The following PLPBP variants were observed in gnomAD, a reference collection of about 807,000 sequenced individuals.
The protein encoded by PLPBP is pyridoxal phosphate homeostasis protein.
A neutral mutation model predicts 31.2 loss-of-function variants in PLPBP; 21 were observed. The ratio of observed to expected loss-of-function variants is 0.67; its 90% CI spans 0.48 to 0.97. The LOEUF (loss-of-function observed/expected upper bound fraction) is 0.97. Ranked by LOEUF, PLPBP falls within the 50% of genes least tolerant of loss-of-function variation. PLPBP has a pLI of 0.00. For missense variants in PLPBP, 308 were observed against 354.4 expected, an observed-to-expected ratio of 0.87 and a Z score of 1.05; for synonymous variants, 124 against 135.6, an observed-to-expected ratio of 0.91 and a Z score of 0.59.
intron 3 of PLPBP, 116 bp downstream of exon 3, chr8:37,765,862 T>C (rs1803613815): frequency 1.8e-6 from 2 of 1,091,302 alleles, no homozygotes; most frequent in Admixed American, 4.6e-5. Flanking sequence ...GACTTTAGAT[T>C]GGGCCAGGGA....
intron 4 of PLPBP, chr8:37,766,608 C>G: frequency 9.0e-7 from 1 of 1,113,910 alleles, no homozygotes; most frequent in Non-Finnish European, 1.1e-6. Context: ...GGTGGTCTTT[C>G]AGAAAAATTA....
At chr8:37,772,928 T>G in intron 5 of PLPBP, 39 bp downstream of exon 5, 2 of 1,611,282 alleles carry the variant, frequency 1.2e-6, no homozygotes, top group South Asian at 2.2e-5. Flanking sequence ...TTTCTTCCTT[T>G]AGGATGGTTG....
intron 4 of PLPBP, among the ~76,000 whole-genome samples, chr8:37,767,729 A>G (rs1803671316): frequency 6.6e-6 from 1 of 151,900 alleles, no homozygotes; most frequent in South Asian, 2.1e-4. Flanking sequence ...TCACAAGTTA[A>G]GTGTTATGTT....
intron 4 of PLPBP, among the ~76,000 whole-genome samples, chr8:37,771,000 T>C (rs1192924414): frequency 6.6e-6 from 1 of 152,230 alleles, no homozygotes; most frequent in Non-Finnish European, 1.5e-5. Context: ...GATGATCCGT[T>C]ATACTCATTC....
intron 1 of PLPBP, among the ~76,000 whole-genome samples, chr8:37,764,837 A>G (rs1803579053): frequency 6.6e-6 from 1 of 152,168 alleles, no homozygotes; most frequent in African/African-American, 2.4e-5. Context: ...TAAGCCTCCA[A>G]CATTAGTATG....
rs924540119 is a variant in PLPBP, at chr8:37,772,633, G to A, written c.320-122G>A. On this transcript the variant is annotated intron_variant, in intron 4 of 7. Transcript: ENST00000328195. ...ACATTTGTCTTCTCAGAGGAACTGA[G>A]ATTTAACTGTGTTTTTCTTTTCCTG... 33 of 1,205,146 alleles carry A rather than the reference G, an allele frequency of 2.7e-5. 1 individual carries two copies. In the Middle Eastern group the frequency reaches 7.8e-4, roughly 29 times the overall value. The allele number at this position is 1,205,146 out of a possible 1,614,324, so 74.7% of individuals were successfully genotyped here. A position where few individuals can be genotyped will look rare whatever the true frequency, so the allele number is the denominator to read the frequency against.
chr8:37,777,360 G>A (rs1290467590), intron 7 of PLPBP, among the ~76,000 whole-genome samples: 1 of 152,092 alleles, frequency 6.6e-6, no homozygotes, highest in African/African-American at 2.4e-5. Context: ...GAGGTAGGTG[G>A]GCTGTGCTGT....
intron 4 of PLPBP, among the ~76,000 whole-genome samples, chr8:37,771,250 C>T (rs1337500151): frequency 6.6e-6 from 1 of 152,186 alleles, no homozygotes; most frequent in Non-Finnish European, 1.5e-5. Flanking sequence ...AATTCTCCTA[C>T]CTCAGCCTCC....
intron 7 of PLPBP, 47 bp from the exon 8 acceptor site, chr8:37,777,926 T>G: frequency 6.4e-7 from 1 of 1,571,744 alleles, no homozygotes. Flanking sequence ...TGGCTCCATT[T>G]TATTATTTTA....
chr8:37,763,803 C>G (rs1803547017), intron 1 of PLPBP, among the ~76,000 whole-genome samples: 1 of 152,194 alleles, frequency 6.6e-6, no homozygotes, highest in African/African-American at 2.4e-5. Flanking sequence ...GAAGAGGAGA[C>G]ATTTTTCTAA....
At chr8:37,764,074 T>TC (rs1172673215) in intron 1 of PLPBP, among the ~76,000 whole-genome samples, 5 of 149,892 alleles carry the variant, frequency 3.3e-5, no homozygotes, top group South Asian at 2.1e-4. Context: ...TTTCTTTCTT[T>TC]TTTTTTTTTT....
At chr8:37,776,244 G>A (rs893651029) in intron 7 of PLPBP, among the ~76,000 whole-genome samples, 53 of 152,230 alleles carry the variant, frequency 3.5e-4, no homozygotes, top group Admixed American at 1.1e-3. Context: ...TTGGGAGGCC[G>A]AGCCGGGCAG....
chr8:37,777,566 GTTTTTGTTTT>G lies in PLPBP; in HGVS notation c.697-392_697-383del, dbSNP rs955405981. On this transcript the variant is annotated intron_variant, in intron 7 of 7. Transcript: ENST00000328195. Reference sequence around the variant, plus strand: ...TGTGTTATTATTCATAGAAGGCTCTGTTTTTGTTTTTTTTTGTTTTTTTTGAGATGGAGTT... The same window carrying G: ...TGTGTTATTATTCATAGAAGGCTCTGTTTTTGTTTTTTTTGAGATGGAGTT... Among the ~76,000 whole-genome samples, 321 of 151,980 alleles carry G rather than the reference GTTTTTGTTTT, an allele frequency of 2.1e-3. 1 individual carries two copies. The highest frequency in any genetic ancestry group is 7.5e-3 in the African/African-American group (312 of 41,472).
At chr8:37,776,425 G>A (rs182518094) in intron 7 of PLPBP, among the ~76,000 whole-genome samples, 155 of 142,900 alleles carry the variant, frequency 1.1e-3, no homozygotes, top group African/African-American at 3.7e-3. Context: ...GCAGTGAGCC[G>A]AGGTCGCGCC....
intron 6 of PLPBP, 55 bp from the exon 7 acceptor site, chr8:37,775,863 T>G: frequency 6.8e-7 from 1 of 1,477,620 alleles, no homozygotes; most frequent in Non-Finnish European, 9.4e-7. Context: ...TTCAGACACT[T>G]TTGGGCATCG....
chr8:37,769,179 A>T (rs1390222293), intron 4 of PLPBP, among the ~76,000 whole-genome samples: 1 of 152,122 alleles, frequency 6.6e-6, no homozygotes, highest in East Asian at 1.9e-4. Context: ...CACTAAAAAT[A>T]CAAAAAATTA....
intron 4 of PLPBP, among the ~76,000 whole-genome samples, chr8:37,771,596 T>C (rs141200097): frequency 6.6e-6 from 1 of 152,204 alleles, no homozygotes; most frequent in East Asian, 1.9e-4. Context: ...TTGACAAAGA[T>C]TGCTTGAGTA....
chr8:37,776,825 G>A (rs997979660), intron 7 of PLPBP, among the ~76,000 whole-genome samples: 1 of 152,018 alleles, frequency 6.6e-6, no homozygotes, highest in African/African-American at 2.4e-5. Flanking sequence ...GGAGTGCAGT[G>A]GCGCGATCTC....
In PLPBP at chr8:37,772,876, C is replaced by T; in HGVS notation, c.441C>T (p.Thr147=). Residue 147 remains threonine (T), a synonymous_variant, in exon 5 of 8, where the codon ACC becomes ACT. Transcript: ENST00000328195. ...ERLKVMVQIN[T]SGEESKHGLP... ...TAAAGGTTATGGTCCAGATTAACAC[C>T]AGCGGAGAAGAGAGTAAGTAACCAG... The T allele has an allele frequency of 1.9e-6, 3 of 1,614,164 alleles. No individual in the cohort carries two copies. Among genetic ancestry groups the T allele is most frequent in the Non-Finnish European group, 2.5e-6 (3 of 1,180,002 alleles).
Sources: allele counts gnomAD v4.1 joint callset (sites outside exome capture counted in the v4.1 genomes callset), GRCh38; gene constraint gnomAD v4.1.1; transcripts MANE v1.5; gene names NCBI Gene and HGNC (gene_info 2026-07-23, HGNC 2026-07-21).